The following GLB1 variants were observed in gnomAD, a reference collection of about 807,000 sequenced individuals.
The protein encoded by GLB1 is galactosidase beta 1, also known as beta-galactosidase.
A neutral mutation model predicts 74.0 loss-of-function variants in GLB1; 56 were observed. The ratio of observed to expected loss-of-function variants is 0.76; its 90% CI spans 0.61 to 0.94. The LOEUF (loss-of-function observed/expected upper bound fraction) is 0.94, where lower values mean the gene tolerates loss of function less well. Ranked by LOEUF, GLB1 falls within the 40% of genes least tolerant of loss-of-function variation. GLB1 has a pLI of 0.00. For synonymous variants in GLB1, 323 were observed against 323.6 expected (o/e 1.00, Z 0.02); for missense variants, 787 against 845.5 (o/e 0.93, Z 0.86).
chr3:33,065,471 T>C lies in GLB1; in HGVS notation c.544A>G (p.Thr182Ala). 6.3e-7 allele frequency: 1 copy of C among 1,580,524 alleles called. No homozygotes were observed. ...LLYQNGGPVI[T>A]VQVENEYGSY... ...CTCAACTCCAGGGTTACCTGCACTG[T>C]TATAACTGGCCCTCCATTCTGATAG... is the stretch of plus-strand genomic sequence containing the variant. The change falls in exon 5 of 16, where the codon ACA becomes GCA. Residue 182 changes from threonine to alanine, a missense_variant. Transcript: ENST00000307363.
intron 10 of GLB1, among the ~76,000 whole-genome samples, chr3:33,038,538 A>C (rs1698379176): frequency 6.6e-6 from 1 of 152,020 alleles, no homozygotes; most frequent in Non-Finnish European, 1.5e-5. Flanking sequence ...TACAATTCCA[A>C]AAAAATGGAA....
chr3:32,990,489 A>G, the GLB1 span, among the ~76,000 whole-genome samples: 4 of 152,188 alleles, frequency 2.6e-5, no homozygotes, highest in Non-Finnish European at 2.9e-5. Context: ...TGGGTAAATG[A>G]AAAAAACAAA....
the GLB1 span, among the ~76,000 whole-genome samples, chr3:32,976,117 G>C: frequency 2.6e-5 from 4 of 152,250 alleles, no homozygotes; most frequent in South Asian, 8.3e-4. Context: ...GCTGATGTCA[G>C]CTCCTCCCTG....
chr3:32,980,816 C>T, the GLB1 span, among the ~76,000 whole-genome samples: 16 of 151,596 alleles, frequency 1.1e-4, no homozygotes, highest in South Asian at 2.1e-4. Context: ...CAGGGCTAGG[C>T]GCAGTGGCTC....
chr3:32,975,734 G>C, the GLB1 span, among the ~76,000 whole-genome samples: 1 of 152,208 alleles, frequency 6.6e-6, no homozygotes, highest in Non-Finnish European at 1.5e-5. Context: ...CAGTGAACAA[G>C]ATCAACAATC....
the GLB1 span, among the ~76,000 whole-genome samples, chr3:32,987,812 G>A: frequency 6.6e-6 from 1 of 152,188 alleles, no homozygotes; most frequent in Non-Finnish European, 1.5e-5. Flanking sequence ...AGTGAAAGTT[G>A]TCCTGGATTT....
At chr3:32,980,191 G>A in the GLB1 span, among the ~76,000 whole-genome samples, 26 of 152,132 alleles carry the variant, frequency 1.7e-4, no homozygotes, top group African/African-American at 5.3e-4. Flanking sequence ...CTTCGAAACC[G>A]TTAATTAGCT....
At chr3:32,966,234 A>G in the GLB1 span, among the ~76,000 whole-genome samples, 28 of 152,374 alleles carry the variant, frequency 1.8e-4, no homozygotes, top group African/African-American at 6.3e-4. Context: ...GGAGCGGGCT[A>G]TACCCTGCAA....
At position 33,093,162 on chromosome 3, in the gene GLB1, G is replaced by A. The variant is rs1427018847; in HGVS notation, c.75+3849C>T. ...CTTGTCAAGATCCATGCCATGGCCA[G>A]AGTAGTGCAGGATGTCTGCTTCAAT... is the stretch of plus-strand genomic sequence containing the variant. On this transcript the variant is annotated intron_variant, in intron 1 of 15. Transcript: ENST00000307363. The surrounding 1 kb of genome is among the most constrained non-coding windows in gnomAD (Gnocchi z 6.0). The A allele has an allele frequency of 1.2e-6, 2 of 1,614,206 alleles. No homozygotes were observed. Among genetic ancestry groups the A allele is most frequent in the East Asian group, 4.5e-5 (2 of 44,868 alleles).
downstream of GLB1, among the ~76,000 whole-genome samples, chr3:32,992,872 C>T (rs1179825919): frequency 6.6e-6 from 1 of 152,210 alleles, no homozygotes; most frequent in Non-Finnish European, 1.5e-5. Flanking sequence ...AGGTCAGGGC[C>T]AGTGGGCTGA....
chr3:33,072,523 G>T, intron 2 of GLB1, 21 bp downstream of exon 2: 1 of 1,612,490 alleles, frequency 6.2e-7, no homozygotes, highest in Non-Finnish European at 8.5e-7. Flanking sequence ...CTAGGTGAGA[G>T]CCACATGCCC....
chr3:33,024,483 G>A (rs1697646565), intron 10 of GLB1, 158 bp from the exon 11 acceptor site: 5 of 756,038 alleles, frequency 6.6e-6, no homozygotes, highest in Non-Finnish European at 1.0e-5. Context: ...TCCAAAGCAG[G>A]ATCTGGTAAA....
chr3:33,091,474 T>C, intron 1 of GLB1: 1 of 985,538 alleles, frequency 1.0e-6, no homozygotes, highest in South Asian at 4.7e-5. Flanking sequence ...CAGGACTGGC[T>C]GCTCCATGAA....
chr3:33,090,042 G>A (rs1700682609), intron 1 of GLB1, among the ~76,000 whole-genome samples: 1 of 152,190 alleles, frequency 6.6e-6, no homozygotes. Context: ...GACAGATACA[G>A]CTACTTAATA....
intron 1 of GLB1, among the ~76,000 whole-genome samples, chr3:33,085,035 G>T (rs1700451832): frequency 6.6e-6 from 1 of 152,168 alleles, no homozygotes; most frequent in Non-Finnish European, 1.5e-5. Context: ...CCAGCACTTT[G>T]GGAGGCTGAG....
chr3:33,017,033 A>T (rs1697263012), intron 13 of GLB1, among the ~76,000 whole-genome samples, 193 bp from the exon 14 acceptor site: 1 of 152,204 alleles, frequency 6.6e-6, no homozygotes, highest in African/African-American at 2.4e-5. Flanking sequence ...CTGCTTCCTA[A>T]ACAGGAAAAC....
chr3:32,986,782 G>A, the GLB1 span, among the ~76,000 whole-genome samples: 1 of 151,926 alleles, frequency 6.6e-6, no homozygotes, highest in South Asian at 2.1e-4. Flanking sequence ...GTAGAGACAG[G>A]GTTTCACCAT....
At chr3:33,050,347 A>C (rs1437308793) in intron 9 of GLB1, among the ~76,000 whole-genome samples, 1 of 152,238 alleles carries the variant, frequency 6.6e-6, no homozygotes, top group Non-Finnish European at 1.5e-5. Context: ...TTGTACATCA[A>C]TGTTCAAAGC....
In GLB1 at chr3:33,093,573, T is replaced by C. The variant is rs1014701152; in HGVS notation, c.75+3438A>G. On this transcript the variant is annotated intron_variant, in intron 1 of 15. Transcript: ENST00000307363. The surrounding 1 kb of genome is among the most constrained non-coding windows in gnomAD (Gnocchi z 6.0). ...GTGAATGTCTGAGAGGAGCACGATC[T>C]TGAGGTTGTTCATTGAGGCAGGCAG... is the stretch of plus-strand genomic sequence containing the variant. 6.2e-7 allele frequency: 1 copy of C among 1,614,070 alleles called. No homozygotes were observed. Among genetic ancestry groups the C allele is most frequent in the African/African-American group, 1.3e-5 (1 of 74,950 alleles).
Sources: gnomAD v4.1 joint callset for allele counts (sites outside exome capture counted in the v4.1 genomes callset) on GRCh38, gnomAD v4.1.1 for gene constraint, Gnocchi (gnomAD v3.1) non-coding constraint, MANE v1.5 for transcripts, NCBI Gene and HGNC (gene_info 2026-07-23, HGNC 2026-07-21) for gene names.